Variants in MYO1D observed in about 807,000 individuals in gnomAD.
MYO1D encodes the protein myosin ID, also known as unconventional myosin-Id.
A neutral mutation model predicts 122.0 loss-of-function variants in MYO1D; 83 were observed. The observed-to-expected ratio is 0.68, with a 90% CI of 0.57 to 0.82. MYO1D has a LOEUF of 0.82. Ranked by LOEUF, MYO1D falls within the 40% of genes least tolerant of loss-of-function variation. The pLI, the probability that MYO1D is intolerant of heterozygous loss-of-function variation, is 0.00. For synonymous variants in MYO1D, 464 were observed against 446.9 expected (o/e 1.04, Z -0.48); for missense variants, 1,157 against 1,269.5 (o/e 0.91, Z 1.35).
chr17:32,694,662 C>A (rs1325126011), intron 16 of MYO1D, among the ~76,000 whole-genome samples: 2 of 132,702 alleles, frequency 1.5e-5, no homozygotes, highest in African/African-American at 5.8e-5. Flanking sequence ...GATTGCGCCA[C>A]TGCAGTCCGC....
chr17:32,687,709 TA>T (rs1406589215), intron 16 of MYO1D, among the ~76,000 whole-genome samples: 2 of 152,240 alleles, frequency 1.3e-5, no homozygotes, highest in African/African-American at 4.8e-5. Context: ...GTATCTCATT[TA>T]AATGCACATA....
At chr17:32,582,545 A>T (rs2087352071) in intron 21 of MYO1D, among the ~76,000 whole-genome samples, 1 of 152,158 alleles carries the variant, frequency 6.6e-6, no homozygotes, top group African/African-American at 2.4e-5. Context: ...CATAATATTT[A>T]CTGTAACTGT....
chr17:32,771,960 T>C (rs1320299929), intron 5 of MYO1D, among the ~76,000 whole-genome samples: 1 of 152,224 alleles, frequency 6.6e-6, no homozygotes, highest in Non-Finnish European at 1.5e-5. Flanking sequence ...CTGTATGCTT[T>C]TGTTTACTTA....
At chr17:32,855,979 G>C (rs983468789) in intron 1 of MYO1D, among the ~76,000 whole-genome samples, 1 of 152,130 alleles carries the variant, frequency 6.6e-6, no homozygotes, top group Non-Finnish European at 1.5e-5. Flanking sequence ...TTTAAGGCAG[G>C]CATTTCAGAA....
At chr17:32,506,285 G>A (rs1005059237) in intron 21 of MYO1D, among the ~76,000 whole-genome samples, 2 of 152,256 alleles carry the variant, frequency 1.3e-5, no homozygotes, top group African/African-American at 4.8e-5. Context: ...TGACTCATTT[G>A]GGGGGTTAAA....
chr17:32,699,490 T>C (rs2089218213), intron 16 of MYO1D, among the ~76,000 whole-genome samples: 2 of 152,126 alleles, frequency 1.3e-5, no homozygotes. Context: ...GCTCTGGGGG[T>C]GGCCACGCCT....
chr17:32,821,656 C>T (rs1444562661), intron 1 of MYO1D, among the ~76,000 whole-genome samples: 2 of 151,834 alleles, frequency 1.3e-5, no homozygotes, highest in East Asian at 1.9e-4. Flanking sequence ...ATTCAAACTA[C>T]CAAATTCAAA....
chr17:32,597,516 A>G (rs79346137), intron 21 of MYO1D, among the ~76,000 whole-genome samples: 24,699 of 152,126 alleles, frequency 0.16, 2,125 homozygotes, highest in Middle Eastern at 0.25. Flanking sequence ...GGAGATATCT[A>G]TATATCTATC....
At chr17:32,806,983 G>T (rs1159866839) in intron 1 of MYO1D, among the ~76,000 whole-genome samples, 1 of 152,140 alleles carries the variant, frequency 6.6e-6, no homozygotes, top group Non-Finnish European at 1.5e-5. Context: ...AGGTGAATTT[G>T]GCAATTCTCT....
At chr17:32,800,974 T>C (rs2090456078) in intron 1 of MYO1D, among the ~76,000 whole-genome samples, 1 of 152,140 alleles carries the variant, frequency 6.6e-6, no homozygotes, top group Non-Finnish European at 1.5e-5. Flanking sequence ...CCACAATGTA[T>C]ACATGTATCA....
At position 32,729,086 on chromosome 17, in the gene MYO1D, C is replaced by T. The variant is rs537495559; in HGVS notation, c.1747-7897G>A. 2.0e-5 allele frequency among the ~76,000 whole-genome samples: 3 copies of T among 152,310 alleles called. No homozygotes were observed. The South Asian group carries it at 6.2e-4, about 32-fold the overall frequency. On this transcript the variant is annotated intron_variant, in intron 14 of 21. Coordinates refer to ENST00000318217, the MANE Select transcript of MYO1D (RefSeq NM_015194.3). Reference sequence around the variant, plus strand: ...TAAGAAATCCTAAATTTGGCAAATTCAGAGTGTCTTATAAAGGTTAAATTG... The same window carrying T: ...TAAGAAATCCTAAATTTGGCAAATTTAGAGTGTCTTATAAAGGTTAAATTG...
intron 21 of MYO1D, among the ~76,000 whole-genome samples, chr17:32,598,154 G>A (rs747251562): frequency 2.6e-5 from 4 of 151,956 alleles, no homozygotes; most frequent in Non-Finnish European, 2.9e-5. Flanking sequence ...CGGGTGGACT[G>A]CTTGAGGCCA....
chr17:32,744,531 C>T (rs2089809836), intron 13 of MYO1D, among the ~76,000 whole-genome samples: 1 of 152,134 alleles, frequency 6.6e-6, no homozygotes, highest in African/African-American at 2.4e-5. Flanking sequence ...GAAAGTGTGC[C>T]TCAAAGGTAC....
rs150649486 is a variant in MYO1D at position 32,630,767 on chromosome 17, G to T, written c.2709+7955C>A. Among the ~76,000 whole-genome samples, 886 of 152,160 alleles carry T rather than the reference G, an allele frequency of 5.8e-3. 25 individuals carry two copies. In the East Asian group the frequency reaches 0.072, roughly 12 times the overall value. On this transcript the variant is annotated intron_variant, in intron 20 of 21. Transcript: ENST00000318217. ...TTTTTGTATTTTTAGTAAAGATGGGGTTTCACCTTGTTAGCCAGGATGGTC... is the reference window on the plus strand; with the variant it reads ...TTTTTGTATTTTTAGTAAAGATGGGTTTTCACCTTGTTAGCCAGGATGGTC...
chr17:32,771,218 T>G lies in MYO1D; in HGVS notation c.621A>C (p.Leu207=). The part of the protein sequence containing the change: ...GERSFHSFYQ[L]LQGGSEQMLR... ...GCATTTGTTCTGAACCTCCTTGGAG[T>G]AGCTGAAAAATATTTAATTAGAAAT... Residue 207 remains leucine (L), a splice_region_variant and synonymous_variant, in exon 6 of 22, where the codon CTA becomes CTC. Coordinates refer to ENST00000318217, the MANE Select transcript of MYO1D (RefSeq NM_015194.3). The G allele has an allele frequency of 6.3e-7, 1 of 1,597,276 alleles. No homozygotes were observed. Among genetic ancestry groups the G allele is most frequent in the Non-Finnish European group, 8.6e-7 (1 of 1,166,736 alleles).
At position 32,794,710 on chromosome 17, in the gene MYO1D, G is replaced by T. The variant is rs377471070; in HGVS notation, c.96-13926C>A. 9.5e-4 allele frequency among the ~76,000 whole-genome samples: 145 copies of T among 152,268 alleles called. 2 individuals are homozygous for T. Among genetic ancestry groups the T allele is most frequent in the African/African-American group, 3.2e-3 (133 of 41,552 alleles). On this transcript the variant is annotated intron_variant, in intron 1 of 21. Transcript: ENST00000318217. ...CAGTGTTTGAGGAATCCAGAGCAGG[G>T]CATGTGACTATACCACAGCAGAGAG...
At chr17:32,582,105 G>A (rs2087347183) in intron 21 of MYO1D, among the ~76,000 whole-genome samples, 1 of 151,934 alleles carries the variant, frequency 6.6e-6, no homozygotes, top group African/African-American at 2.4e-5. Context: ...AGTAGAGATA[G>A]GGTTTTACCA....
chr17:32,807,422 A>T (rs1005930621), intron 1 of MYO1D, among the ~76,000 whole-genome samples: 1 of 152,224 alleles, frequency 6.6e-6, no homozygotes, highest in Non-Finnish European at 1.5e-5. Context: ...CTTACGTGTC[A>T]TATTAATATA....
intron 16 of MYO1D, among the ~76,000 whole-genome samples, chr17:32,699,486 G>C (rs994109083): frequency 3.3e-5 from 5 of 152,130 alleles, no homozygotes; most frequent in Non-Finnish European, 7.4e-5. Context: ...CTCAGCTCTG[G>C]GGGTGGCCAC....
Sources: allele counts gnomAD v4.1 joint callset (sites outside exome capture counted in the v4.1 genomes callset), GRCh38; gene constraint gnomAD v4.1.1; transcripts MANE v1.5; gene names NCBI Gene and HGNC (gene_info 2026-07-23, HGNC 2026-07-21).